Variants in NDUFAF6 observed in about 807,000 individuals in gnomAD.
NDUFAF6 encodes NADH dehydrogenase (ubiquinone) complex I, assembly factor 6.
A neutral mutation model predicts 40.8 loss-of-function variants in NDUFAF6; 45 were observed. The ratio of observed to expected loss-of-function variants is 1.10; its 90% confidence interval spans 0.87 to 1.42. The LOEUF is 1.42. Among genes scored for constraint, NDUFAF6 ranks in the 40% most tolerant of loss-of-function variants. The probability of loss-of-function intolerance (pLI) is 0.00; values close to 1 mark genes in which losing one functional copy is unlikely to be tolerated. For missense variants in NDUFAF6, 435 were observed against 418.5 expected (o/e 1.04, Z -0.34); for synonymous variants, 185 against 155.9 (o/e 1.19, Z -1.39).
intron 1 of NDUFAF6, chr8:94,927,334 C>T (rs1260278434): frequency 1.3e-5 from 2 of 152,220 alleles, no homozygotes; most frequent in Admixed American, 6.6e-5. Context: ...TGATTACAAA[C>T]CAGTGTACTA....
Position 95,029,035 on chromosome 8 carries a change from T to C in NDUFAF6, c.198-2960T>C, listed in dbSNP as rs545440694. Among the ~76,000 whole-genome samples the C allele has an allele frequency of 6.6e-4, 100 of 152,224 alleles. 3 individuals are homozygous for C. The Middle Eastern group carries it at 0.017, about 26-fold the overall frequency. Reference sequence around the variant, plus strand: ...CCTCTTCTTTTGGTTTATGTGGCAATTGGAGGAGACTGTCAAGGGAATGGC... The same window carrying C: ...CCTCTTCTTTTGGTTTATGTGGCAACTGGAGGAGACTGTCAAGGGAATGGC... On this transcript the variant is annotated intron_variant, in intron 1 of 8. Coordinates refer to ENST00000396124, the MANE Select transcript of NDUFAF6 (RefSeq NM_152416.4).
chr8:94,986,369 G>C (rs969517781), intron 2 of NDUFAF6, among the ~76,000 whole-genome samples: 5 of 152,164 alleles, frequency 3.3e-5, no homozygotes, highest in African/African-American at 1.2e-4. Context: ...ATACAGCCAG[G>C]CCTTCCTTTG....
chr8:95,034,594 AT>A (rs894821802), intron 2 of NDUFAF6: 1 of 152,584 alleles, frequency 6.6e-6, no homozygotes, highest in African/African-American at 2.4e-5. Flanking sequence ...AATGTTTCTC[AT>A]TTGGGGTTTA....
intron 1 of NDUFAF6, among the ~76,000 whole-genome samples, chr8:94,962,329 A>G (rs1458741947): frequency 2.0e-5 from 3 of 152,230 alleles, no homozygotes; most frequent in African/African-American, 4.8e-5. Flanking sequence ...GTCTTGCTCT[A>G]TAGCCAAGGC....
downstream of NDUFAF6, chr8:95,078,662 A>AATATATATATAT (rs57127319): frequency 8.3e-5 from 10 of 121,052 alleles, no homozygotes; most frequent in African/African-American, 2.9e-4. Flanking sequence ...AAAAAAAAAA[A>AATATATATATAT]ATATATATAT....
At chr8:95,101,120 T>G (rs939475321) in intron 1 of NDUFAF6, 2 of 152,212 alleles carry the variant, frequency 1.3e-5, no homozygotes, top group African/African-American at 2.4e-5. Context: ...CAATACATTG[T>G]GTTCTTAACA....
At chr8:95,088,753 T>A (rs1809143325) in intron 2 of NDUFAF6, among the ~76,000 whole-genome samples, 3 of 22,786 alleles carry the variant, frequency 1.3e-4, no homozygotes, top group African/African-American at 6.2e-4. Context: ...CTTGTTTTTA[T>A]TTTATTTTAT....
intron 5 of NDUFAF6, 78 bp downstream of exon 5, chr8:95,045,725 TC>T: frequency 8.3e-7 from 1 of 1,209,394 alleles, no homozygotes. Flanking sequence ...AATTTGGTAA[TC>T]TAACCAGTTT....
chr8:95,069,903 A>T (rs932663127), intron 9 of NDUFAF6, among the ~76,000 whole-genome samples: 4 of 150,486 alleles, frequency 2.7e-5, no homozygotes, highest in African/African-American at 9.9e-5. Flanking sequence ...AATGTTCTTG[A>T]TGTTACATAA....
intron 1 of NDUFAF6, among the ~76,000 whole-genome samples, chr8:94,971,794 A>G (rs1434730681): frequency 1.3e-5 from 2 of 152,068 alleles, no homozygotes; most frequent in East Asian, 1.9e-4. Context: ...AAAAATTGGC[A>G]GGGTGTGGTG....
Position 95,035,513 on chromosome 8 carries a change from A to T in NDUFAF6, c.357A>T (p.Lys119Asn). Residue 119 changes from lysine (K) to asparagine (N), a missense_variant, in exon 3 of 9, where the codon AAA (lysine) becomes AAT (asparagine). Coordinates refer to ENST00000396124, the MANE Select transcript of NDUFAF6 (RefSeq NM_152416.4). ...IGLMRMQFWK[K>N]TVEDIYCDNP... ...TGATGCGAATGCAGTTTTGGAAAAA[A>T]ACTGTGGAAGATATATACTGTGACA... 3 of 1,613,926 alleles carry T rather than the reference A, an allele frequency of 1.9e-6. No homozygotes were observed. Among genetic ancestry groups the T allele is most frequent in the Non-Finnish European group, 2.5e-6 (3 of 1,179,892 alleles).
intron 2 of NDUFAF6, among the ~76,000 whole-genome samples, chr8:95,003,598 C>T (rs931826420): frequency 6.6e-6 from 1 of 152,218 alleles, no homozygotes; most frequent in Non-Finnish European, 1.5e-5. Flanking sequence ...TCTTCTTTCT[C>T]TTACCCTTCA....
At chr8:94,967,785 TA>T (rs1423443805) in intron 1 of NDUFAF6, among the ~76,000 whole-genome samples, 18 of 151,800 alleles carry the variant, frequency 1.2e-4, no homozygotes, top group African/African-American at 3.9e-4. Context: ...ACTAAAAATA[TA>T]AAAAATTAGC....
At chr8:94,934,810 A>C (rs1299742369) in intron 1 of NDUFAF6, among the ~76,000 whole-genome samples, 1 of 152,204 alleles carries the variant, frequency 6.6e-6, no homozygotes, top group African/African-American at 2.4e-5. Flanking sequence ...TTATATTTTA[A>C]ATTTTTGTTG....
intron 1 of NDUFAF6, among the ~76,000 whole-genome samples, chr8:94,914,069 C>T (rs960082851): frequency 2.0e-5 from 3 of 146,430 alleles, no homozygotes; most frequent in Admixed American, 6.8e-5. Flanking sequence ...GGATTACAGG[C>T]GTGAGCCACC....
At chr8:94,921,943 C>T (rs1819530356) in intron 1 of NDUFAF6, among the ~76,000 whole-genome samples, 1 of 152,222 alleles carries the variant, frequency 6.6e-6, no homozygotes, top group South Asian at 2.1e-4. Context: ...TTCTCAGGCT[C>T]TATCCTGGAT....
At chr8:95,031,888 A>G (rs1486155743) in intron 1 of NDUFAF6, 107 bp from the exon 2 acceptor site, 6 of 1,055,916 alleles carry the variant, frequency 5.7e-6, no homozygotes, top group South Asian at 1.3e-5. Flanking sequence ...GGCATGAGCT[A>G]CCGCGCCCAA....
At chr8:94,924,124 G>A (rs1007087296) in intron 1 of NDUFAF6, among the ~76,000 whole-genome samples, 1 of 152,022 alleles carries the variant, frequency 6.6e-6, no homozygotes, top group Non-Finnish European at 1.5e-5. Context: ...GCAGTGGTAC[G>A]ATCTTGGCTC....
chr8:94,901,330 A>G (rs141656268), intron 1 of NDUFAF6, among the ~76,000 whole-genome samples: 1 of 152,144 alleles, frequency 6.6e-6, no homozygotes, highest in Non-Finnish European at 1.5e-5. Flanking sequence ...GGGAGACTGG[A>G]TAGGAGATGG....
Sources: gnomAD v4.1 joint callset for allele counts (sites outside exome capture counted in the v4.1 genomes callset) on GRCh38, gnomAD v4.1.1 for gene constraint, MANE v1.5 for transcripts, NCBI Gene and HGNC (gene_info 2026-07-23, HGNC 2026-07-21) for gene names.